CADPS: variants seen among roughly 807,000 people sequenced by gnomAD.
The protein encoded by CADPS is calcium dependent secretion activator.
CADPS carries 57 observed loss-of-function variants against 167.3 expected under a neutral mutation model. That is an observed-to-expected ratio of 0.34 (90% CI 0.28 to 0.42). The LOEUF is 0.42. Ranked by LOEUF, CADPS falls within the 20% of genes least tolerant of loss-of-function variation. The probability of loss-of-function intolerance (pLI) is 1.00; values close to 1 mark genes in which losing one functional copy is unlikely to be tolerated. For synonymous variants in CADPS, 676 were observed against 635.3 expected, an observed-to-expected ratio of 1.06 and a Z score of -0.96; for missense variants, 1,414 against 1,738.1, an observed-to-expected ratio of 0.81 and a Z score of 3.32.
intron 3 of CADPS, among the ~76,000 whole-genome samples, chr3:62,703,762 G>T (rs945000626): frequency 1.3e-5 from 2 of 152,132 alleles, no homozygotes; most frequent in African/African-American, 4.8e-5. Context: ...ATGCTGAGAT[G>T]AAATGCCTGG....
intron 6 of CADPS, among the ~76,000 whole-genome samples, chr3:62,615,961 C>T (rs1171337547): frequency 1.3e-5 from 2 of 152,124 alleles, no homozygotes; most frequent in Non-Finnish European, 2.9e-5. Flanking sequence ...AGAACAGATT[C>T]GATACTGCAT....
At chr3:62,697,517 T>C (rs981845046) in intron 3 of CADPS, among the ~76,000 whole-genome samples, 1 of 152,130 alleles carries the variant, frequency 6.6e-6, no homozygotes, top group African/African-American at 2.4e-5. Context: ...TGATGGACTT[T>C]TGGGCTGGTT....
intron 3 of CADPS, among the ~76,000 whole-genome samples, chr3:62,695,175 C>T (rs2080034933): frequency 6.6e-6 from 1 of 151,954 alleles, no homozygotes; most frequent in African/African-American, 2.4e-5. Context: ...GTGATGATTG[C>T]TGAGATTTTT....
At chr3:62,834,925 GTAT>G (rs1480695784) in intron 1 of CADPS, among the ~76,000 whole-genome samples, 1 of 152,112 alleles carries the variant, frequency 6.6e-6, no homozygotes, top group East Asian at 1.9e-4. Flanking sequence ...ACATTGAGTA[GTAT>G]CATAATCTGG....
At chr3:62,785,880 C>T (rs1413835749) in intron 1 of CADPS, among the ~76,000 whole-genome samples, 1 of 147,964 alleles carries the variant, frequency 6.8e-6, no homozygotes, top group Admixed American at 6.8e-5. Flanking sequence ...AAAAACCAAG[C>T]ATCTAGGACA....
At chr3:62,724,515 A>T (rs903671274) in intron 3 of CADPS, among the ~76,000 whole-genome samples, 7 of 152,244 alleles carry the variant, frequency 4.6e-5, no homozygotes, top group Non-Finnish European at 8.8e-5. Context: ...ACATTATTTC[A>T]TAAACAAAAG....
chr3:62,626,695 A>G (rs1379632876), intron 6 of CADPS: 5 of 555,752 alleles, frequency 9.0e-6, no homozygotes, highest in Non-Finnish European at 1.6e-5. Context: ...GAATCAATCT[A>G]GAATTTACTA....
At chr3:62,699,316 C>A (rs1349083024) in intron 3 of CADPS, among the ~76,000 whole-genome samples, 2 of 151,844 alleles carry the variant, frequency 1.3e-5, no homozygotes, top group African/African-American at 2.4e-5. Flanking sequence ...GGATTACCGG[C>A]GTGAGCCACT....
At chr3:62,788,424 C>A (rs1468796610) in intron 1 of CADPS, among the ~76,000 whole-genome samples, 3 of 152,128 alleles carry the variant, frequency 2.0e-5, no homozygotes, top group Non-Finnish European at 4.4e-5. Context: ...GTCGGTGACC[C>A]ATGGAAAGCT....
intron 4 of CADPS, 79 bp downstream of exon 4, chr3:62,662,235 A>C: frequency 8.5e-7 from 1 of 1,179,492 alleles, no homozygotes; most frequent in Non-Finnish European, 1.3e-6. Flanking sequence ...TTTATCCTTT[A>C]GAGGCTGTCA....
At chr3:62,717,970 T>C (rs555768572) in intron 3 of CADPS, among the ~76,000 whole-genome samples, 76 of 152,302 alleles carry the variant, frequency 5.0e-4, no homozygotes, top group African/African-American at 1.8e-3. Context: ...ATTTCCCATC[T>C]AGCTCACGGC....
chr3:62,633,816 G>C (rs144394206), intron 6 of CADPS, among the ~76,000 whole-genome samples: 19 of 152,258 alleles, frequency 1.2e-4, no homozygotes, highest in African/African-American at 3.8e-4. Flanking sequence ...TTTGGCCAAA[G>C]CCAAATATAG....
At chr3:62,789,947 T>C (rs963484685) in intron 1 of CADPS, among the ~76,000 whole-genome samples, 1 of 152,138 alleles carries the variant, frequency 6.6e-6, no homozygotes, top group Non-Finnish European at 1.5e-5. Flanking sequence ...CTCTGTGAAA[T>C]AGAGCCTTGA....
intron 1 of CADPS, among the ~76,000 whole-genome samples, chr3:62,816,627 C>T (rs565911670): frequency 2.0e-5 from 3 of 151,524 alleles, no homozygotes; most frequent in African/African-American, 7.3e-5. Context: ...TGAAGCCTTC[C>T]CAGCACTACT....
At chr3:62,683,577 G>T (rs965777579) in intron 3 of CADPS, among the ~76,000 whole-genome samples, 2 of 152,022 alleles carry the variant, frequency 1.3e-5, no homozygotes, top group Non-Finnish European at 2.9e-5. Context: ...TGGCACATTT[G>T]TCAAAACATA....
At chr3:62,626,831 A>C (rs1359661393) in intron 6 of CADPS, among the ~76,000 whole-genome samples, 1 of 152,228 alleles carries the variant, frequency 6.6e-6, no homozygotes, top group African/African-American at 2.4e-5. Flanking sequence ...AACAAATAAT[A>C]GTATCAATGA....
At chr3:62,805,094 T>G (rs916587635) in intron 1 of CADPS, among the ~76,000 whole-genome samples, 11 of 152,136 alleles carry the variant, frequency 7.2e-5, no homozygotes, top group African/African-American at 2.7e-4. Flanking sequence ...GATATTTAAG[T>G]AGGATTCATG....
At position 62,585,209 on chromosome 3, in the gene CADPS, T is replaced by A; in HGVS notation, c.1553A>T (p.Lys518Met). The change falls in exon 8 of 30, where the codon AAG (lysine) becomes ATG (methionine). Residue 518 changes from lysine (K) to methionine (M), a missense_variant. By Grantham distance (95) the Lys-to-Met change is moderately conservative (BLOSUM62 -1). This residue lies in a region of CADPS where 157 missense variants were observed against 229.4 expected (regional missense o/e 0.68). Transcript: ENST00000383710. ...CCCAGAATGCTTCATGTTTTGAGGC[T>A]TATCCATTCGGACAGCAAGTTTGAT... is the stretch of plus-strand genomic sequence containing the variant. ...LKIKLAVRMD[K>M]PQNMKHSGYL... 6.2e-7 allele frequency: 1 copy of A among 1,614,044 alleles called. No homozygotes were observed. The highest frequency in any genetic ancestry group is 8.5e-7 in the Non-Finnish European group (1 of 1,179,918).
intron 9 of CADPS, among the ~76,000 whole-genome samples, chr3:62,567,881 G>A (rs1397185041): frequency 6.6e-6 from 1 of 152,086 alleles, no homozygotes; most frequent in African/African-American, 2.4e-5. Context: ...GGACAGCACT[G>A]CCTCTTGATG....
Sources: gnomAD v4.1 joint callset for allele counts (sites outside exome capture counted in the v4.1 genomes callset) on GRCh38, gnomAD v4.1.1 for gene constraint, gnomAD v4.1.1 regional missense constraint, MANE v1.5 for transcripts, NCBI Gene and HGNC (gene_info 2026-07-23, HGNC 2026-07-21) for gene names.